Variants in TCP11L2 observed in about 807,000 individuals in gnomAD.
The protein encoded by TCP11L2 is t-complex 11 like 2, also known as T-complex protein 11-like protein 2.
A neutral mutation model predicts 50.7 loss-of-function variants in TCP11L2; 39 were observed. That is an observed-to-expected ratio of 0.77 (90% CI 0.60 to 1.01). The LOEUF (loss-of-function observed/expected upper bound fraction) is 1.01, where lower values mean the gene tolerates loss of function less well. Ranked by LOEUF, TCP11L2 falls within the 50% of genes least tolerant of loss-of-function variation. TCP11L2 has a pLI of 0.00. For synonymous variants in TCP11L2, 192 were observed against 219.3 expected (o/e 0.88, Z 1.10); for missense variants, 612 against 614.7 (o/e 1.00, Z 0.05).
intron 6 of TCP11L2, among the ~76,000 whole-genome samples, chr12:106,333,348 T>A (rs935124010): frequency 1.3e-5 from 2 of 152,216 alleles, no homozygotes; most frequent in Non-Finnish European, 2.9e-5. Context: ...AACAATGAAC[T>A]GTGATACATA....
rs1223864449 is a variant in TCP11L2 at position 106,321,349 on chromosome 12, T to G, written c.415-137T>G. On this transcript the variant is annotated intron_variant, in intron 4 of 9. Coordinates refer to ENST00000299045, the MANE Select transcript of TCP11L2 (RefSeq NM_152772.3). ...CTGGAATGCTCCTCTGATCCACCCA[T>G]GCAGTCAGTGCCAACTTCTGTGGCA... 8.7e-6 allele frequency: 6 copies of G among 689,352 alleles called. No homozygotes were observed. The African/African-American group carries it at 1.1e-4, about 12-fold the overall frequency. 42.7% of individuals were successfully genotyped at this position (689,352 alleles called of 1,614,324 possible).
intron 3 of TCP11L2, among the ~76,000 whole-genome samples, chr12:106,315,502 G>A (rs1565842719): frequency 6.6e-6 from 1 of 152,170 alleles, no homozygotes; most frequent in Non-Finnish European, 1.5e-5. Flanking sequence ...TGTCTGTATT[G>A]TTTGTTGCTG....
At chr12:106,332,884 A>C (rs751073111) in intron 6 of TCP11L2, among the ~76,000 whole-genome samples, 3 of 152,224 alleles carry the variant, frequency 2.0e-5, no homozygotes, top group Non-Finnish European at 2.9e-5. Context: ...AGGTGGACAC[A>C]AACAGTCCAT....
At chr12:106,317,481 A>C (rs1160550901) in intron 3 of TCP11L2, among the ~76,000 whole-genome samples, 2 of 152,286 alleles carry the variant, frequency 1.3e-5, no homozygotes, top group South Asian at 4.1e-4. Context: ...GCGCCACTGC[A>C]CTGCAGCCTG....
intron 9 of TCP11L2, among the ~76,000 whole-genome samples, chr12:106,344,368 G>A (rs1424863293): frequency 6.6e-6 from 1 of 152,114 alleles, no homozygotes; most frequent in Non-Finnish European, 1.5e-5. Context: ...TAAACCTCAC[G>A]CTCAGAGAGT....
chr12:106,328,193 A>G (rs1337958766), intron 6 of TCP11L2, among the ~76,000 whole-genome samples: 1 of 152,248 alleles, frequency 6.6e-6, no homozygotes, highest in Non-Finnish European at 1.5e-5. Context: ...GGAATATTTT[A>G]AAGAAGAGCA....
intron 6 of TCP11L2, among the ~76,000 whole-genome samples, chr12:106,331,535 T>A (rs1408752222): frequency 2.0e-5 from 3 of 152,234 alleles, no homozygotes; most frequent in Non-Finnish European, 4.4e-5. Context: ...TTACAGAGTT[T>A]ACAGTTGCTA....
upstream of TCP11L2, among the ~76,000 whole-genome samples, chr12:106,300,107 A>G (rs141113299): frequency 3.3e-5 from 5 of 151,988 alleles, no homozygotes; most frequent in African/African-American, 1.2e-4. Flanking sequence ...GTGTAATAAT[A>G]TGTCTTCTTC....
intron 6 of TCP11L2, chr12:106,325,886 G>A (rs546226636): frequency 8.6e-5 from 9 of 104,458 alleles, no homozygotes; most frequent in African/African-American, 3.0e-4. Flanking sequence ...GCAAGACTCC[G>A]TCTCGGAAAA....
chr12:106,335,519 C>A (rs2035885727), intron 6 of TCP11L2, 120 bp from the exon 7 acceptor site: 1 of 973,704 alleles, frequency 1.0e-6, no homozygotes, highest in Non-Finnish European at 1.5e-6. Flanking sequence ...AAACTCCTTG[C>A]AGGGCATGGC....
chr12:106,336,235 C>A, intron 8 of TCP11L2, 22 bp downstream of exon 8: 1 of 1,593,244 alleles, frequency 6.3e-7, no homozygotes. Flanking sequence ...ATTTTTGCAT[C>A]TGCTCCCTCT....
chr12:106,318,765 C>T (rs528446290), intron 4 of TCP11L2, among the ~76,000 whole-genome samples: 3 of 152,290 alleles, frequency 2.0e-5, no homozygotes, highest in Admixed American at 6.5e-5. Flanking sequence ...GGCTGGAGTG[C>T]GGTGGCACAA....
intron 2 of TCP11L2, among the ~76,000 whole-genome samples, chr12:106,313,764 ATTTT>A (rs34867730): frequency 8.8e-6 from 1 of 113,886 alleles, no homozygotes; most frequent in Non-Finnish European, 1.7e-5. Context: ...AGGTAATTTA[ATTTT>A]TTTTTTTTTT....
intron 1 of TCP11L2, among the ~76,000 whole-genome samples, chr12:106,308,346 A>G (rs188469900): frequency 2.6e-5 from 4 of 152,378 alleles, no homozygotes; most frequent in Admixed American, 2.6e-4. Context: ...TGATGAACCC[A>G]GGCCACAAAC....
intron 3 of TCP11L2, among the ~76,000 whole-genome samples, chr12:106,317,252 A>G (rs2035124985): frequency 6.6e-6 from 1 of 152,258 alleles, no homozygotes; most frequent in Non-Finnish European, 1.5e-5. Flanking sequence ...GCAGTGGCTC[A>G]CACCTGTAAT....
chr12:106,324,090 C>T (rs1379791711), intron 6 of TCP11L2: 1 of 152,062 alleles, frequency 6.6e-6, no homozygotes, highest in East Asian at 1.9e-4. Flanking sequence ...TTCTAGTAGG[C>T]ATGACAAATA....
chr12:106,334,084 C>T (rs978849804), intron 6 of TCP11L2, among the ~76,000 whole-genome samples: 4 of 152,074 alleles, frequency 2.6e-5, no homozygotes, highest in Non-Finnish European at 5.9e-5. Flanking sequence ...AATGAACAGG[C>T]AGAGGAACAT....
chr12:106,334,322 G>A (rs1331410712), intron 6 of TCP11L2, among the ~76,000 whole-genome samples: 1 of 152,112 alleles, frequency 6.6e-6, no homozygotes, highest in African/African-American at 2.4e-5. Context: ...TTATGGGAAG[G>A]ATTTATTTCA....
rs2035893842 is a variant in TCP11L2, at chr12:106,335,701, T to C, written c.835T>C (p.Ser279Pro). Residue 279 changes from serine (S) to proline (P), a missense_variant, in exon 7 of 10, where the codon TCT becomes CCT. By Grantham distance (74) the Ser-to-Pro change is moderately conservative. Transcript: ENST00000299045. Reference sequence around the variant, plus strand: ...TGTAAATGAAGAATTATTTTCTCTTTCTGAGAGTGCTTTAACTCCTGGGGC... The same window carrying C: ...TGTAAATGAAGAATTATTTTCTCTTCCTGAGAGTGCTTTAACTCCTGGGGC... ...ESVNEELFSL[S>P]ESALTPGAEN... The C allele has an allele frequency of 1.2e-6, 2 of 1,614,206 alleles. No individual in the cohort carries two copies. Among genetic ancestry groups the C allele is most frequent in the Middle Eastern group, 1.6e-4 (1 of 6,062 alleles).
Sources: gnomAD v4.1 joint callset for allele counts (sites outside exome capture counted in the v4.1 genomes callset) on GRCh38, gnomAD v4.1.1 for gene constraint, MANE v1.5 for transcripts, NCBI Gene and HGNC (gene_info 2026-07-23, HGNC 2026-07-21) for gene names.